The following XYLT1 variants were observed in gnomAD, a reference collection of about 807,000 sequenced individuals.
The protein encoded by XYLT1 is beta-D-xylosyltransferase 1.
In XYLT1, 36 loss-of-function variants were observed where a neutral mutation model predicts 91.3. The observed-to-expected ratio is 0.39, with a 90% CI of 0.30 to 0.52. The LOEUF is 0.52. XYLT1 is among the 20% of genes least tolerant of loss of function. XYLT1 has a pLI of 0.68. For synonymous variants in XYLT1, 588 were observed against 532.0 expected, an observed-to-expected ratio of 1.11 and a Z score of -1.45; for missense variants, 1,242 against 1,284.5, an observed-to-expected ratio of 0.97 and a Z score of 0.51.
chr16:17,451,083 G>A (rs1293403946), intron 1 of XYLT1, among the ~76,000 whole-genome samples: 2 of 152,196 alleles, frequency 1.3e-5, no homozygotes, highest in Non-Finnish European at 2.9e-5. Flanking sequence ...AGTGATTTTT[G>A]TCTTCAAAGA....
Position 17,416,303 on chromosome 16 carries a change from T to G in XYLT1, c.363+54131A>C, listed in dbSNP as rs553203971. On this transcript the variant is annotated intron_variant, in intron 1 of 11. Coordinates refer to ENST00000261381, the MANE Select transcript of XYLT1 (RefSeq NM_022166.4). ...TATTTCAGGGACAAAAAGAAGCCTG[T>G]GCTTATGGAACAGAAACTGGCCTTG... 8.8e-4 allele frequency among the ~76,000 whole-genome samples: 134 copies of G among 152,308 alleles called. 1 individual carries two copies. Among genetic ancestry groups the G allele is most frequent in the African/African-American group, 3.1e-3 (128 of 41,562 alleles).
At chr16:17,144,793 C>T (rs992400378) in intron 6 of XYLT1, among the ~76,000 whole-genome samples, 1 of 152,178 alleles carries the variant, frequency 6.6e-6, no homozygotes, top group African/African-American at 2.4e-5. Context: ...TCCACAAAGG[C>T]GCTGTGTGGA....
chr16:17,299,276 C>T (rs770722324), intron 2 of XYLT1, among the ~76,000 whole-genome samples: 1 of 152,164 alleles, frequency 6.6e-6, no homozygotes, highest in Non-Finnish European at 1.5e-5. Flanking sequence ...ACCTGGCCAC[C>T]ATGTTTCATC....
chr16:17,157,908 C>T (rs1255924135), intron 6 of XYLT1, among the ~76,000 whole-genome samples: 1 of 152,188 alleles, frequency 6.6e-6, no homozygotes, highest in Non-Finnish European at 1.5e-5. Flanking sequence ...GCCACCACAC[C>T]TGGCTAATTT....
intron 2 of XYLT1, among the ~76,000 whole-genome samples, chr16:17,292,410 G>A (rs1014373872): frequency 1.4e-4 from 22 of 151,808 alleles, no homozygotes; most frequent in African/African-American, 3.9e-4. Flanking sequence ...TATTTTTTTC[G>A]TGTTATTATC....
chr16:17,316,927 A>G (rs1363075983), intron 2 of XYLT1, among the ~76,000 whole-genome samples: 2 of 148,938 alleles, frequency 1.3e-5, no homozygotes, highest in African/African-American at 5.0e-5. Context: ...GGTTCACGCC[A>G]TTATCCTGCC....
intron 2 of XYLT1, among the ~76,000 whole-genome samples, chr16:17,264,311 A>G (rs74572732): frequency 0.067 from 10,166 of 152,258 alleles, 1,112 homozygotes; most frequent in African/African-American, 0.23. Context: ...TGATAGAAGC[A>G]GAATAAACAC....
chr16:17,135,233 T>C (rs1291491441), intron 8 of XYLT1, among the ~76,000 whole-genome samples: 1 of 152,212 alleles, frequency 6.6e-6, no homozygotes, highest in African/African-American at 2.4e-5. Context: ...TGGTTAAAGC[T>C]GAAGGGTGGT....
chr16:17,355,884 AT>A (rs902105377), intron 2 of XYLT1, among the ~76,000 whole-genome samples: 2 of 151,312 alleles, frequency 1.3e-5, no homozygotes, highest in Non-Finnish European at 2.9e-5. Context: ...TATGTTTTGT[AT>A]TTTTTTTCAG....
At chr16:17,366,558 G>A (rs933160469) in intron 1 of XYLT1, among the ~76,000 whole-genome samples, 2 of 152,188 alleles carry the variant, frequency 1.3e-5, no homozygotes, top group Non-Finnish European at 2.9e-5. Context: ...AGCTGGGCGT[G>A]TTGGTGCATA....
chr16:17,358,565 C>A (rs2035337012), intron 1 of XYLT1, among the ~76,000 whole-genome samples: 1 of 152,128 alleles, frequency 6.6e-6, no homozygotes, highest in Non-Finnish European at 1.5e-5. Flanking sequence ...GCAGGCCGCC[C>A]CAACACTTCC....
At chr16:17,218,007 C>T (rs921392582) in intron 3 of XYLT1, among the ~76,000 whole-genome samples, 14 of 151,788 alleles carry the variant, frequency 9.2e-5, no homozygotes, top group Non-Finnish European at 1.3e-4. Flanking sequence ...CAGCGGTTCA[C>T]GCCTGTAATC....
At chr16:17,339,149 A>G (rs1272834058) in intron 2 of XYLT1, among the ~76,000 whole-genome samples, 1 of 152,204 alleles carries the variant, frequency 6.6e-6, no homozygotes, top group African/African-American at 2.4e-5. Context: ...TTCTCTCTCC[A>G]TCTAGCCCAG....
chr16:17,197,566 G>A (rs766489961), intron 5 of XYLT1, among the ~76,000 whole-genome samples: 1 of 152,118 alleles, frequency 6.6e-6, no homozygotes, highest in African/African-American at 2.4e-5. Flanking sequence ...AGTGGACTGG[G>A]AAAGGCAGAC....
At chr16:17,436,165 T>C (rs1487200827) in intron 1 of XYLT1, among the ~76,000 whole-genome samples, 1 of 152,212 alleles carries the variant, frequency 6.6e-6, no homozygotes, top group Non-Finnish European at 1.5e-5. Context: ...TCTGCCATGA[T>C]TGTGCGGCCT....
intron 5 of XYLT1, among the ~76,000 whole-genome samples, chr16:17,175,032 A>T (rs2031909614): frequency 6.6e-6 from 1 of 152,184 alleles, no homozygotes; most frequent in African/African-American, 2.4e-5. Flanking sequence ...TGGCCTCCCA[A>T]ATTGCTGGGA....
chr16:17,281,006 G>A (rs1220450371), intron 2 of XYLT1, among the ~76,000 whole-genome samples: 1 of 152,170 alleles, frequency 6.6e-6, no homozygotes, highest in Non-Finnish European at 1.5e-5. Flanking sequence ...TGGTTTAGTG[G>A]GTTGGGGCTG....
intron 1 of XYLT1, among the ~76,000 whole-genome samples, chr16:17,405,004 C>T (rs992778375): frequency 5.3e-5 from 8 of 152,188 alleles, no homozygotes; most frequent in Admixed American, 1.3e-4. Context: ...ACATAACTTT[C>T]TGGAGGGATG....
At chr16:17,281,466 T>A (rs16968685) in intron 2 of XYLT1, among the ~76,000 whole-genome samples, 2,777 of 152,298 alleles carry the variant, frequency 0.018, 100 homozygotes, top group Admixed American at 0.1. Flanking sequence ...CACTGGATAA[T>A]TTTACTTGGC....
Sources: allele counts gnomAD v4.1 joint callset (sites outside exome capture counted in the v4.1 genomes callset), GRCh38; gene constraint gnomAD v4.1.1; transcripts MANE v1.5; gene names NCBI Gene and HGNC (gene_info 2026-07-23, HGNC 2026-07-21).